TFDP2: variants seen among roughly 807,000 people sequenced by gnomAD.
The protein encoded by TFDP2 is transcription factor Dp-2 (E2F dimerization partner 2).
Under a neutral mutation model 59.3 loss-of-function variants are expected in TFDP2, and 17 were observed. The observed-to-expected ratio is 0.29, with a 90% CI of 0.20 to 0.43. The LOEUF (loss-of-function observed/expected upper bound fraction) is 0.43, where lower values mean the gene tolerates loss of function less well. TFDP2 is among the 20% of genes least tolerant of loss of function. The probability of loss-of-function intolerance (pLI) is 1.00; values close to 1 mark genes in which losing one functional copy is unlikely to be tolerated. For missense variants in TFDP2, 391 were observed against 528.8 expected (o/e 0.74, Z 2.56); for synonymous variants, 180 against 194.7 (o/e 0.92, Z 0.63).
intron 3 of TFDP2, among the ~76,000 whole-genome samples, chr3:142,024,849 G>A (rs1036577404): frequency 7.2e-5 from 11 of 151,990 alleles, no homozygotes; most frequent in Non-Finnish European, 1.3e-4. Context: ...GTGAAATCCC[G>A]TTTCTACTAA....
At chr3:142,044,020 A>T in intron 3 of TFDP2, 2 of 676,870 alleles carry the variant, frequency 3.0e-6, no homozygotes, top group Non-Finnish European at 5.5e-6. Context: ...CATCAAGCCC[A>T]GGAATGGACT....
In TFDP2 at chr3:142,001,611, T is replaced by G. The variant is rs535448012; in HGVS notation, c.186+3830A>C. On this transcript the variant is annotated intron_variant, in intron 4 of 12. Coordinates refer to ENST00000489671, the MANE Select transcript of TFDP2 (RefSeq NM_001178139.2). ...TTTGGTGTTCTCTCCAAAACATGCT[T>G]TTTTATTCTTTACATGGCCAAGCTG... 8.5e-5 allele frequency among the ~76,000 whole-genome samples: 13 copies of G among 152,338 alleles called. No homozygotes were observed. In the East Asian group the frequency reaches 2.5e-3, roughly 29 times the overall value.
chr3:141,955,335 C>T lies in TFDP2; in HGVS notation c.1052-2319G>A, dbSNP rs137946245. On this transcript the variant is annotated intron_variant, in intron 11 of 12. Transcript: ENST00000489671. The stretch of plus-strand genomic sequence containing the variant: ...GTATCCCAGTCTGCAAATGAGGTCA[C>T]GAAGAGATCAAAACCACAGAGCCTG... 2.6e-5 allele frequency among the ~76,000 whole-genome samples: 4 copies of T among 152,304 alleles called. No individual in the cohort carries two copies. In the East Asian group the frequency reaches 7.7e-4, roughly 29 times the overall value.
At chr3:142,114,469 G>A (rs1364919069) in intron 1 of TFDP2, among the ~76,000 whole-genome samples, 1 of 152,046 alleles carries the variant, frequency 6.6e-6, no homozygotes, top group African/African-American at 2.4e-5. Flanking sequence ...CAATTGCCTT[G>A]TTTGCATACG....
chr3:142,141,396 A>T (rs62282063), intron 1 of TFDP2, among the ~76,000 whole-genome samples: 1 of 152,218 alleles, frequency 6.6e-6, no homozygotes, highest in East Asian at 1.9e-4. Flanking sequence ...ACCAGTCCCA[A>T]TGAGATGAAC....
chr3:142,063,699 T>A (rs1241200544), intron 3 of TFDP2, among the ~76,000 whole-genome samples: 1 of 152,234 alleles, frequency 6.6e-6, no homozygotes, highest in African/African-American at 2.4e-5. Context: ...CTTTATTTCT[T>A]TCTTTACTAG....
At chr3:142,056,436 T>C (rs1704990) in intron 3 of TFDP2, among the ~76,000 whole-genome samples, 135,480 of 152,124 alleles carry the variant, frequency 0.89, 60,580 homozygotes, top group African/African-American at 0.97. Context: ...GCACAGGGTA[T>C]CACAGGTGCA....
At position 142,005,556 on chromosome 3, in the gene TFDP2, T is replaced by A; in HGVS notation, c.83-12A>T. ...AAATGAAATGTTGCCTGAAATGATA[T>A]CAAAACATTAAGTTAGTATTCTGCC... On this transcript the variant is annotated splice_polypyrimidine_tract_variant and intron_variant, in intron 3 of 12. Coordinates refer to ENST00000489671, the MANE Select transcript of TFDP2 (RefSeq NM_001178139.2). 1 of 1,563,936 alleles carries A rather than the reference T, an allele frequency of 6.4e-7. No individual in the cohort carries two copies. The highest frequency in any genetic ancestry group is 8.7e-7 in the Non-Finnish European group (1 of 1,148,342).
chr3:142,042,775 T>C (rs1326002518), intron 3 of TFDP2, among the ~76,000 whole-genome samples: 3 of 146,492 alleles, frequency 2.0e-5, no homozygotes, highest in Non-Finnish European at 4.5e-5. Context: ...AGTTTCGCTT[T>C]TTTGCCCAGG....
chr3:142,060,281 T>C lies in TFDP2; in HGVS notation c.82+32780A>G, dbSNP rs540116565. Among the ~76,000 whole-genome samples, 7 of 152,356 alleles carry C rather than the reference T, an allele frequency of 4.6e-5. No homozygotes were observed. In the East Asian group the frequency reaches 1.3e-3, roughly 29 times the overall value. ...CTTCAGCCTCCCAAAGCATTAGGAT[T>C]ATAGGCGTGAGCCACTGTGCCCAGC... is the stretch of plus-strand genomic sequence containing the variant. On this transcript the variant is annotated intron_variant, in intron 3 of 12. Coordinates refer to ENST00000489671, the MANE Select transcript of TFDP2 (RefSeq NM_001178139.2).
intron 3 of TFDP2, among the ~76,000 whole-genome samples, chr3:142,007,049 C>T (rs1944275656): frequency 6.6e-6 from 1 of 152,194 alleles, no homozygotes; most frequent in Non-Finnish European, 1.5e-5. Flanking sequence ...TTCTGGATTA[C>T]AGGCGTGAGC....
At chr3:142,011,602 G>GAAAAAAAAAAAAAAAAAAAAA (rs548076797) in intron 3 of TFDP2, among the ~76,000 whole-genome samples, 1 of 64,170 alleles carries the variant, frequency 1.6e-5, no homozygotes, top group Admixed American at 1.6e-4. Flanking sequence ...AAAAAAAAAA[G>GAAAAAAAAAAAAAAAAAAAAA]AAAAAAAAAA....
At chr3:142,102,994 G>A (rs2061359850) in intron 1 of TFDP2, among the ~76,000 whole-genome samples, 1 of 152,202 alleles carries the variant, frequency 6.6e-6, no homozygotes, top group South Asian at 2.1e-4. Flanking sequence ...CCAGCACTTT[G>A]GGAGGCTGAG....
At chr3:142,055,925 T>C (rs933252381) in intron 3 of TFDP2, among the ~76,000 whole-genome samples, 3 of 145,602 alleles carry the variant, frequency 2.1e-5, no homozygotes, top group Non-Finnish European at 4.5e-5. Context: ...AAAGCCCACA[T>C]GCATTTATTA....
At chr3:142,026,035 G>A (rs905092425) in intron 3 of TFDP2, among the ~76,000 whole-genome samples, 1 of 152,148 alleles carries the variant, frequency 6.6e-6, no homozygotes, top group Admixed American at 6.6e-5. Flanking sequence ...TCTTCTGGCC[G>A]GCGCAGTGGC....
intron 8 of TFDP2, among the ~76,000 whole-genome samples, chr3:141,973,452 A>G (rs1464477792): frequency 6.6e-6 from 1 of 152,150 alleles, no homozygotes; most frequent in Non-Finnish European, 1.5e-5. Context: ...CAATTTAGAA[A>G]CAGTATGTCA....
chr3:142,003,085 T>A (rs1010318274), intron 4 of TFDP2, among the ~76,000 whole-genome samples: 2 of 151,848 alleles, frequency 1.3e-5, no homozygotes, highest in Non-Finnish European at 2.9e-5. Flanking sequence ...TCACTACAAC[T>A]TCTTCCTCCC....
intron 3 of TFDP2, among the ~76,000 whole-genome samples, chr3:142,042,295 GTTTC>G (rs1266494068): frequency 6.6e-6 from 1 of 151,108 alleles, no homozygotes; most frequent in Non-Finnish European, 1.5e-5. Context: ...TGTAAATAGT[GTTTC>G]TTTTTTTTTT....
chr3:142,023,605 A>T (rs932606736), intron 3 of TFDP2, among the ~76,000 whole-genome samples: 1 of 152,176 alleles, frequency 6.6e-6, no homozygotes, highest in African/African-American at 2.4e-5. Context: ...AAAAGAGGGG[A>T]TCGTTGTTTT....
Sources: allele counts gnomAD v4.1 joint callset (sites outside exome capture counted in the v4.1 genomes callset), GRCh38; gene constraint gnomAD v4.1.1; transcripts MANE v1.5; gene names NCBI Gene and HGNC (gene_info 2026-07-23, HGNC 2026-07-21).